Variants in PAM observed in about 807,000 individuals in gnomAD.
PAM encodes peptidylglycine alpha-amidating monooxygenase, also known as peptidyl-glycine alpha-amidating monooxygenase.
In PAM, 72 loss-of-function variants were observed where a neutral mutation model predicts 122.1. The observed-to-expected ratio is 0.59, with a 90% CI of 0.49 to 0.72. The LOEUF is 0.72. PAM is among the 30% of genes least tolerant of loss of function. The pLI, the probability that PAM is intolerant of heterozygous loss-of-function variation, is 0.00. For synonymous variants in PAM, 389 were observed against 404.4 expected (o/e 0.96, Z 0.46); for missense variants, 1,106 against 1,183.7 (o/e 0.93, Z 0.96).
At chr5:102,768,825 T>G (rs562571343) in intron 1 of PAM, among the ~76,000 whole-genome samples, 1 of 152,328 alleles carries the variant, frequency 6.6e-6, no homozygotes, top group Admixed American at 6.5e-5. Flanking sequence ...TATGCTGATT[T>G]CATTTCTTTT....
At chr5:102,908,273 A>T (rs1333026157) in intron 4 of PAM, among the ~76,000 whole-genome samples, 1 of 152,054 alleles carries the variant, frequency 6.6e-6, no homozygotes, top group African/African-American at 2.4e-5. Flanking sequence ...GTCAAAGATC[A>T]GATAGTTGTA....
rs1757247560 is a variant in PAM, at chr5:102,946,940, T to TA, written c.575+56dup. On this transcript the variant is annotated intron_variant, in intron 8 of 25. Transcript: ENST00000438793. ...AGCAACTTTAACATCTTTGCGAACTTAGAGTGGGAAGTTTACTGTATTAAT... is the reference window on the plus strand; with the variant it reads ...AGCAACTTTAACATCTTTGCGAACTTAAGAGTGGGAAGTTTACTGTATTAAT... 1.1e-5 allele frequency: 13 copies of TA among 1,141,404 alleles called. No homozygotes were observed. In the South Asian group the frequency reaches 1.4e-4, roughly 12 times the overall value. 70.7% of individuals were successfully genotyped at this position (1,141,404 alleles called of 1,614,324 possible). A position where few individuals can be genotyped will look rare whatever the true frequency, so the allele number is the denominator to read the frequency against.
At chr5:102,994,795 A>G (rs186937969) in intron 16 of PAM, among the ~76,000 whole-genome samples, 112 of 152,254 alleles carry the variant, frequency 7.4e-4, no homozygotes, top group African/African-American at 2.6e-3. Flanking sequence ...CATTATTTTA[A>G]TCTTAATTAG....
intron 1 of PAM, among the ~76,000 whole-genome samples, chr5:102,848,602 G>A (rs574882435): frequency 6.6e-6 from 1 of 152,148 alleles, no homozygotes. Flanking sequence ...AGACTTTTTA[G>A]GGAGGTGTCT....
intron 7 of PAM, among the ~76,000 whole-genome samples, chr5:102,934,160 A>G (rs1438528111): frequency 6.6e-6 from 1 of 152,154 alleles, no homozygotes; most frequent in Non-Finnish European, 1.5e-5. Flanking sequence ...CATGGGAGGG[A>G]GGTTATTGTT....
intron 1 of PAM, among the ~76,000 whole-genome samples, chr5:102,817,416 T>C (rs753322315): frequency 1.3e-5 from 2 of 152,070 alleles, no homozygotes; most frequent in Non-Finnish European, 2.9e-5. Context: ...ATTTCAAAGA[T>C]GTAATTTGAA....
chr5:102,988,455 A>C (rs1772713751), intron 15 of PAM, among the ~76,000 whole-genome samples: 1 of 152,162 alleles, frequency 6.6e-6, no homozygotes, highest in Non-Finnish European at 1.5e-5. Context: ...ATCCTATTAT[A>C]GCCCTATTAT....
chr5:102,778,178 A>AT (rs995321747), intron 1 of PAM, among the ~76,000 whole-genome samples: 14 of 152,174 alleles, frequency 9.2e-5, no homozygotes, highest in South Asian at 4.1e-4. Flanking sequence ...CCCCACATGT[A>AT]TTTTTTTGAA....
chr5:102,918,520 G>A (rs189528045), intron 5 of PAM, among the ~76,000 whole-genome samples: 16 of 152,120 alleles, frequency 1.1e-4, no homozygotes, highest in African/African-American at 3.6e-4. Flanking sequence ...TTAATTTAAA[G>A]TAAGTAAATT....
chr5:102,863,162 T>TGG (rs1784633557), intron 1 of PAM, among the ~76,000 whole-genome samples: 1 of 152,140 alleles, frequency 6.6e-6, no homozygotes, highest in African/African-American at 2.4e-5. Context: ...ACCTGAAGAT[T>TGG]TTATGGATAT....
intron 1 of PAM, among the ~76,000 whole-genome samples, chr5:102,826,322 G>A (rs469489): frequency 0.62 from 93,458 of 151,584 alleles, 29,058 homozygotes; most frequent in South Asian, 0.78. Context: ...TTTCTGCTCT[G>A]TATGTAATTT....
Position 103,009,638 on chromosome 5 carries a change from T to C in PAM, c.2216-113T>C, listed in dbSNP as rs904445166. 4.7e-6 allele frequency: 3 copies of C among 637,076 alleles called. No homozygotes were observed. In the African/African-American group the frequency reaches 5.6e-5, roughly 12 times the overall value. The allele number at this position is 637,076 out of a possible 1,614,324, so 39.5% of individuals were successfully genotyped here. ...TTTTATATTCTACTTTTGTTGCCAA[T>C]TGTAGGGACCAGGTTGACCCTAAAT... On this transcript the variant is annotated intron_variant, in intron 20 of 25. Transcript: ENST00000438793.
chr5:102,951,899 T>C (rs546334987), intron 12 of PAM, among the ~76,000 whole-genome samples: 1 of 152,146 alleles, frequency 6.6e-6, no homozygotes, highest in Non-Finnish European at 1.5e-5. Flanking sequence ...TATTGAGTTA[T>C]GGGAAACGAT....
At chr5:102,991,758 G>A (rs572703224) in intron 16 of PAM, among the ~76,000 whole-genome samples, 23 of 152,098 alleles carry the variant, frequency 1.5e-4, no homozygotes, top group African/African-American at 4.6e-4. Flanking sequence ...TCATTCATAC[G>A]CCTCTGTTGC....
chr5:102,844,472 G>A (rs1305006991), intron 1 of PAM, among the ~76,000 whole-genome samples: 1 of 152,062 alleles, frequency 6.6e-6, no homozygotes, highest in Non-Finnish European at 1.5e-5. Context: ...ATTGAGACCA[G>A]CCTGGGTAAC....
At chr5:102,896,043 G>A (rs1030441473) in intron 3 of PAM, 1 of 151,666 alleles carries the variant, frequency 6.6e-6, no homozygotes, top group Non-Finnish European at 1.5e-5. Context: ...CCATCACAGG[G>A]AAGCCAAGGA....
At chr5:102,862,760 A>G (rs73192724) in intron 1 of PAM, among the ~76,000 whole-genome samples, 13,382 of 152,188 alleles carry the variant, frequency 0.088, 1,442 homozygotes, top group African/African-American at 0.25. Context: ...GAGGTAGGTA[A>G]TATGATTACA....
intron 4 of PAM, among the ~76,000 whole-genome samples, chr5:102,913,304 G>A (rs1450506733): frequency 4.0e-5 from 6 of 151,826 alleles, no homozygotes; most frequent in African/African-American, 7.3e-5. Context: ...AGGAGAAAAC[G>A]AGAAATGTCA....
chr5:102,882,407 T>C (rs1283115822), intron 3 of PAM, among the ~76,000 whole-genome samples: 1 of 152,022 alleles, frequency 6.6e-6, no homozygotes, highest in Non-Finnish European at 1.5e-5. Context: ...ATTTTTTTTA[T>C]TGTGGCCATT....
Sources: allele counts gnomAD v4.1 joint callset (sites outside exome capture counted in the v4.1 genomes callset), GRCh38; gene constraint gnomAD v4.1.1; transcripts MANE v1.5; gene names NCBI Gene and HGNC (gene_info 2026-07-23, HGNC 2026-07-21).